Variants in PHLDB2 observed in about 807,000 individuals in gnomAD.
PHLDB2 encodes the protein pleckstrin homology-like domain family B member 2.
Under a neutral mutation model 123.6 loss-of-function variants are expected in PHLDB2, and 71 were observed. The ratio of observed to expected loss-of-function variants is 0.57; its 90% CI spans 0.47 to 0.70. PHLDB2 has a LOEUF of 0.70. PHLDB2 is among the 30% of genes least tolerant of loss of function. PHLDB2 has a pLI of 0.00. For synonymous variants in PHLDB2, 547 were observed against 541.6 expected, an observed-to-expected ratio of 1.01 and a Z score of -0.14; for missense variants, 1,446 against 1,519.5, an observed-to-expected ratio of 0.95 and a Z score of 0.80.
At chr3:111,802,845 C>T (rs1292740817) in intron 1 of PHLDB2, among the ~76,000 whole-genome samples, 1 of 152,124 alleles carries the variant, frequency 6.6e-6, no homozygotes, top group African/African-American at 2.4e-5. Context: ...GTGGTGTGAA[C>T]ACATGTTTTT....
At chr3:111,762,381 A>G (rs1253851726) in intron 1 of PHLDB2, among the ~76,000 whole-genome samples, 1 of 152,144 alleles carries the variant, frequency 6.6e-6, no homozygotes, top group Non-Finnish European at 1.5e-5. Flanking sequence ...TATAGCCAAT[A>G]TGTGTAATGT....
intron 7 of PHLDB2, among the ~76,000 whole-genome samples, chr3:111,940,302 A>G (rs967081998): frequency 6.6e-6 from 1 of 152,210 alleles, no homozygotes; most frequent in Non-Finnish European, 1.5e-5. Flanking sequence ...GGGTTCTTCA[A>G]GATAGGTTTT....
intron 9 of PHLDB2, among the ~76,000 whole-genome samples, chr3:111,946,948 G>A (rs2070349476): frequency 6.6e-6 from 1 of 151,738 alleles, no homozygotes; most frequent in African/African-American, 2.4e-5. Context: ...GGATTAGCAG[G>A]TATTTTGGAG....
chr3:111,900,521 G>T (rs1418271021), intron 2 of PHLDB2, among the ~76,000 whole-genome samples: 1 of 152,186 alleles, frequency 6.6e-6, no homozygotes, highest in East Asian at 1.9e-4. Context: ...CCTGTTGATG[G>T]AGCGGTTAGA....
intron 1 of PHLDB2, among the ~76,000 whole-genome samples, chr3:111,864,333 G>A (rs963968504): frequency 6.6e-6 from 1 of 152,208 alleles, no homozygotes; most frequent in Non-Finnish European, 1.5e-5. Flanking sequence ...ATTGGGATTT[G>A]ATTAAAGTAA....
At chr3:111,831,013 G>GAAAGAAAAGA (rs1448405957) in intron 1 of PHLDB2, among the ~76,000 whole-genome samples, 8 of 102,082 alleles carry the variant, frequency 7.8e-5, no homozygotes, top group Admixed American at 3.1e-4. Context: ...AAGAAAGAAA[G>GAAAGAAAAGA]AAAGAAAGAA....
chr3:111,893,222 A>G (rs930395637), intron 2 of PHLDB2, among the ~76,000 whole-genome samples: 4 of 151,832 alleles, frequency 2.6e-5, no homozygotes, highest in African/African-American at 4.8e-5. Context: ...TTGCTTAGTC[A>G]TAGTATTAAT....
intron 2 of PHLDB2, among the ~76,000 whole-genome samples, chr3:111,890,516 A>T (rs944580538): frequency 6.6e-6 from 1 of 152,134 alleles, no homozygotes; most frequent in African/African-American, 2.4e-5. Context: ...AGTAAACGCA[A>T]CTCTTATATA....
rs1275529959 is a variant in PHLDB2 at position 111,919,175 on chromosome 3, T to A, written c.1823T>A (p.Ile608Asn). 6.2e-7 allele frequency: 1 copy of A among 1,613,994 alleles called. No homozygotes were observed. Among genetic ancestry groups the A allele is most frequent in the Non-Finnish European group, 8.5e-7 (1 of 1,179,970 alleles). ...LNNLEELKQK[I>N]KDINDQMDES... ...AACCTCGAGGAACTTAAGCAAAAAA[T>A]CAAAGACATAAATGATCAGATGGAT... Residue 608 changes from isoleucine to asparagine, a missense_variant, in exon 4 of 18, where the codon ATC becomes AAC. Around this residue, in one of 3 missense-constraint regions of PHLDB2, gnomAD observed 832 missense variants for 831.9 expected, o/e 1.00. Transcript: ENST00000431670.
intron 5 of PHLDB2, among the ~76,000 whole-genome samples, chr3:111,927,928 A>G (rs1031449036): frequency 2.6e-5 from 4 of 152,230 alleles, no homozygotes; most frequent in East Asian, 1.9e-4. Context: ...AAGAGAGACA[A>G]TTTATGTTAT....
At chr3:111,887,874 C>T (rs977810324) in intron 2 of PHLDB2, among the ~76,000 whole-genome samples, 1 of 151,998 alleles carries the variant, frequency 6.6e-6, no homozygotes, top group Non-Finnish European at 1.5e-5. Context: ...TTAAGAATAC[C>T]TGGTAAAGTT....
rs77361025 is a variant in PHLDB2 at position 111,893,852 on chromosome 3, A to G, written c.1335+8440A>G. Among the ~76,000 whole-genome samples the G allele has an allele frequency of 6.8e-3, 1,008 of 148,270 alleles. 14 individuals are homozygous for G. Among genetic ancestry groups the G allele is most frequent in the African/African-American group, 0.023 (947 of 40,564 alleles). The stretch of plus-strand genomic sequence containing the variant: ...TACCCACTCCCTAAATTAGCAATCT[A>G]TTCTCTAAGTAAACAGCACTATTTC... On this transcript the variant is annotated intron_variant, in intron 2 of 17. Transcript: ENST00000431670.
intron 1 of PHLDB2, among the ~76,000 whole-genome samples, chr3:111,750,477 A>T (rs2059750604): frequency 6.6e-6 from 1 of 152,194 alleles, no homozygotes. Context: ...AAGTTTCAGA[A>T]GTGAGAACAT....
At chr3:111,790,391 C>T (rs985675742) in intron 1 of PHLDB2, among the ~76,000 whole-genome samples, 4 of 152,130 alleles carry the variant, frequency 2.6e-5, no homozygotes, top group Non-Finnish European at 5.9e-5. Context: ...TGATAAGGTA[C>T]CAAGCTCCAA....
chr3:111,864,569 C>T (rs1054007451), intron 1 of PHLDB2, among the ~76,000 whole-genome samples: 4 of 152,132 alleles, frequency 2.6e-5, no homozygotes, highest in Non-Finnish European at 4.4e-5. Context: ...AGATAGTTGT[C>T]TATAGCAGCT....
rs569157468 is a variant in PHLDB2 at position 111,809,657 on chromosome 3, G to A, written c.-48-36164G>A. ...TTTGTTGCTAAGGCAAAGCCTGGCA[G>A]ATTTACCTATCATCAAGAAGCTCTG... On this transcript the variant is annotated intron_variant, in intron 1 of 17. Transcript: ENST00000393923. 2.0e-5 allele frequency among the ~76,000 whole-genome samples: 3 copies of A among 152,312 alleles called. No individual in the cohort carries two copies. The South Asian group carries it at 6.2e-4, about 32-fold the overall frequency.
In PHLDB2 at chr3:111,976,290, C is replaced by G. The variant is rs1301830734; in HGVS notation, c.*1727C>G. 1 of 152,140 alleles carries G rather than the reference C, an allele frequency of 6.6e-6. No homozygotes were observed. Among genetic ancestry groups the G allele is most frequent in the Non-Finnish European group, 1.5e-5 (1 of 68,020 alleles). 9.4% of individuals were successfully genotyped at this position (152,140 alleles called of 1,614,324 possible). A position where few individuals can be genotyped will look rare whatever the true frequency, so the allele number is the denominator to read the frequency against. ...AAACTCATCTCTTATTTTGAAGTTA[C>G]CTATCTGTAGTATGATGGAGGATGA... On this transcript the variant is annotated 3_prime_UTR_variant, in exon 18 of 18. Transcript: ENST00000431670.
At chr3:111,895,053 G>T (rs1251700040) in intron 2 of PHLDB2, among the ~76,000 whole-genome samples, 1 of 84,448 alleles carries the variant, frequency 1.2e-5, no homozygotes, top group Non-Finnish European at 2.4e-5. Context: ...TTAACTGAGA[G>T]TGAAAAAAAA....
At chr3:111,842,827 T>G (rs962094710) in intron 1 of PHLDB2, among the ~76,000 whole-genome samples, 2 of 152,208 alleles carry the variant, frequency 1.3e-5, no homozygotes, top group African/African-American at 4.8e-5. Flanking sequence ...ATTTAACTAT[T>G]CTGAACAGTT....
Sources: gnomAD v4.1 joint callset for allele counts (sites outside exome capture counted in the v4.1 genomes callset) on GRCh38, gnomAD v4.1.1 for gene constraint, gnomAD v4.1.1 regional missense constraint, MANE v1.5 for transcripts, NCBI Gene and HGNC (gene_info 2026-07-23, HGNC 2026-07-21) for gene names.